Variants in PLD1 observed in about 807,000 individuals in gnomAD.
PLD1 encodes phospholipase D1.
A neutral mutation model predicts 137.1 loss-of-function variants in PLD1; 112 were observed. The ratio of observed to expected loss-of-function variants is 0.82; its 90% confidence interval spans 0.70 to 0.96. PLD1 has a LOEUF of 0.96. Ranked by LOEUF, PLD1 falls within the 40% of genes least tolerant of loss-of-function variation. PLD1 has a pLI of 0.00. For synonymous variants in PLD1, 431 were observed against 454.7 expected (o/e 0.95, Z 0.66); for missense variants, 1,321 against 1,342.0 (o/e 0.98, Z 0.24).
intron 18 of PLD1, among the ~76,000 whole-genome samples, chr3:171,676,474 C>T (rs1415015919): frequency 1.3e-5 from 2 of 152,086 alleles, no homozygotes; most frequent in African/African-American, 2.4e-5. Flanking sequence ...AAATCAGGAC[C>T]CACACAGCAG....
intron 23 of PLD1, among the ~76,000 whole-genome samples, 198 bp from the exon 24 acceptor site, chr3:171,620,718 T>C (rs374236269): frequency 9.6e-6 from 1 of 104,156 alleles, no homozygotes; most frequent in African/African-American, 3.6e-5. Context: ...CTGAATGGCT[T>C]TCTCTCTCTC....
At chr3:171,668,042 G>T (rs185976795) in intron 19 of PLD1, among the ~76,000 whole-genome samples, 3 of 152,146 alleles carry the variant, frequency 2.0e-5, no homozygotes, top group African/African-American at 7.2e-5. Flanking sequence ...ATGAGCCACC[G>T]CACTAGACCC....
chr3:171,642,779 T>A (rs1279989824), intron 23 of PLD1, 61 bp downstream of exon 23: 3 of 890,518 alleles, frequency 3.4e-6, no homozygotes. Context: ...ACATTAATGA[T>A]TACTGATACC....
At chr3:171,649,509 C>T (rs1206556181) in intron 21 of PLD1, among the ~76,000 whole-genome samples, 3 of 152,208 alleles carry the variant, frequency 2.0e-5, no homozygotes, top group Non-Finnish European at 4.4e-5. Context: ...GTTCCAGCTG[C>T]TGAGGAATCC....
chr3:171,604,403 G>A (rs1354476650), intron 26 of PLD1, among the ~76,000 whole-genome samples: 1 of 151,034 alleles, frequency 6.6e-6, no homozygotes, highest in East Asian at 1.9e-4. Context: ...AAGTTTCTCT[G>A]CTGGAAGGGG....
At position 171,674,603 on chromosome 3, in the gene PLD1, G is replaced by C; in HGVS notation, c.2126C>G (p.Ser709Ter). 4.6e-6 allele frequency: 7 copies of C among 1,531,108 alleles called. No homozygotes were observed. Among genetic ancestry groups the C allele is most frequent in the Non-Finnish European group, 6.3e-6 (7 of 1,106,496 alleles). 94.8% of individuals were successfully genotyped at this position (1,531,108 alleles called of 1,614,324 possible). ...AGGATAAGAAAGGGACCGATATTTT[G>C]ATTTCATAATCTAAAATAAAGAAAA... is the stretch of plus-strand genomic sequence containing the variant. ...QRWNFTKIMK[S>*]KYRSLSYPFL... is the part of the protein sequence containing the mutation. The change falls in exon 19 of 27, where the codon TCA (serine) becomes TGA (stop). Residue 709 changes from serine to a stop codon, truncating the protein, a stop_gained. Transcript: ENST00000351298. LOFTEE classifies it high-confidence loss of function.
At chr3:171,795,681 A>G (rs1291763070) in intron 1 of PLD1, among the ~76,000 whole-genome samples, 1 of 152,154 alleles carries the variant, frequency 6.6e-6, no homozygotes, top group Non-Finnish European at 1.5e-5. Context: ...CCCAGTCACA[A>G]AGAACACACA....
chr3:171,740,002 G>C (rs930792263), intron 1 of PLD1, among the ~76,000 whole-genome samples: 1 of 152,078 alleles, frequency 6.6e-6, no homozygotes, highest in African/African-American at 2.4e-5. Context: ...CCTGCAACTC[G>C]GTTACCACAG....
chr3:171,621,698 T>G (rs1299525511), intron 23 of PLD1, among the ~76,000 whole-genome samples: 1 of 152,204 alleles, frequency 6.6e-6, no homozygotes, highest in Non-Finnish European at 1.5e-5. Flanking sequence ...TAGTACACCA[T>G]GTGTAAGAGA....
chr3:171,782,083 A>G (rs547687547), intron 1 of PLD1, among the ~76,000 whole-genome samples: 1 of 152,270 alleles, frequency 6.6e-6, no homozygotes, highest in Non-Finnish European at 1.5e-5. Context: ...TACACATGAT[A>G]TGAATACATC....
chr3:171,799,069 G>A (rs573625896), intron 1 of PLD1, among the ~76,000 whole-genome samples: 5 of 152,166 alleles, frequency 3.3e-5, no homozygotes, highest in African/African-American at 1.2e-4. Context: ...GGCCAGGCGC[G>A]GTGGCTCATG....
At chr3:171,621,053 T>A (rs1733594680) in intron 23 of PLD1, among the ~76,000 whole-genome samples, 1 of 151,988 alleles carries the variant, frequency 6.6e-6, no homozygotes, top group Non-Finnish European at 1.5e-5. Context: ...TCAGTTAAAT[T>A]CTGCAGACTT....
chr3:171,607,434 C>G (rs544846495), intron 25 of PLD1, among the ~76,000 whole-genome samples: 35 of 152,122 alleles, frequency 2.3e-4, no homozygotes, highest in Admixed American at 1.1e-3. Context: ...ACCAAACTAT[C>G]AGGTAAGGGC....
intron 1 of PLD1, among the ~76,000 whole-genome samples, chr3:171,754,397 T>G (rs548678142): frequency 6.6e-6 from 1 of 152,204 alleles, no homozygotes. Context: ...TTTTTAACCT[T>G]CTTTTCATTG....
chr3:171,774,870 G>C (rs1722536295), intron 1 of PLD1, among the ~76,000 whole-genome samples: 1 of 152,130 alleles, frequency 6.6e-6, no homozygotes, highest in Non-Finnish European at 1.5e-5. Flanking sequence ...TGGGTTTGAG[G>C]TCCTCTGAGC....
chr3:171,713,183 G>A (rs1341446538), intron 9 of PLD1, among the ~76,000 whole-genome samples: 1 of 152,182 alleles, frequency 6.6e-6, no homozygotes, highest in African/African-American at 2.4e-5. Flanking sequence ...TTCTTGGCCA[G>A]GCGGAGTGGC....
chr3:171,635,965 CTTTTTTTTTTTTTTTTTTTTT>C (rs71178231), intron 23 of PLD1, among the ~76,000 whole-genome samples: 2 of 49,252 alleles, frequency 4.1e-5, no homozygotes, highest in Admixed American at 2.6e-4. Context: ...GGTTCAACTT[CTTTTTTTTTTTTTTTTTTTTT>C]TTTTTTTTTT....
chr3:171,661,391 G>A (rs1297879572), intron 20 of PLD1, among the ~76,000 whole-genome samples: 3 of 152,104 alleles, frequency 2.0e-5, no homozygotes, highest in Non-Finnish European at 4.4e-5. Flanking sequence ...TTCCATTATT[G>A]TGACTTTTTA....
intron 16 of PLD1, among the ~76,000 whole-genome samples, chr3:171,684,788 C>G (rs558593334): frequency 3.3e-5 from 5 of 152,096 alleles, no homozygotes; most frequent in African/African-American, 1.2e-4. Context: ...GGTTTCACTG[C>G]GTTGCCGAAG....
Sources: allele counts gnomAD v4.1 joint callset (sites outside exome capture counted in the v4.1 genomes callset), GRCh38; gene constraint gnomAD v4.1.1; transcripts MANE v1.5; gene names NCBI Gene and HGNC (gene_info 2026-07-23, HGNC 2026-07-21).